Variants in SKAP1 observed in about 807,000 individuals in gnomAD.
SKAP1 encodes src kinase-associated phosphoprotein 1.
SKAP1 carries 44 observed loss-of-function variants against 58.5 expected under a neutral mutation model. That is an observed-to-expected ratio of 0.75 (90% CI 0.59 to 0.97). SKAP1 has a LOEUF of 0.97. Among genes scored for constraint, SKAP1 ranks in the 50% least tolerant of loss-of-function variants. The probability of loss-of-function intolerance (pLI) is 0.00; values close to 1 mark genes in which losing one functional copy is unlikely to be tolerated. For synonymous variants in SKAP1, 127 were observed against 149.7 expected (o/e 0.85, Z 1.11); for missense variants, 390 against 435.2 (o/e 0.90, Z 0.92).
intron 1 of SKAP1, 137 bp downstream of exon 1, chr17:48,429,938 G>A: frequency 1.5e-6 from 1 of 669,628 alleles, no homozygotes; most frequent in Non-Finnish European, 2.2e-6. Flanking sequence ...GCTCTAGGGA[G>A]TTGAGGGCTC....
intron 4 of SKAP1, among the ~76,000 whole-genome samples, chr17:48,264,745 A>AACAC (rs55733017): frequency 0.011 from 1,617 of 142,836 alleles, 29 homozygotes; most frequent in Admixed American, 0.03. Flanking sequence ...AAATCTACAA[A>AACAC]ACACACACAC....
intron 4 of SKAP1, among the ~76,000 whole-genome samples, chr17:48,225,000 G>C (rs2065050777): frequency 1.3e-5 from 2 of 152,056 alleles, no homozygotes; most frequent in Admixed American, 1.3e-4. Flanking sequence ...CAACAGATTT[G>C]GAAAGGACTA....
chr17:48,290,096 T>C (rs765801650), intron 4 of SKAP1, among the ~76,000 whole-genome samples: 1 of 152,168 alleles, frequency 6.6e-6, no homozygotes. Context: ...ACATTCTCTA[T>C]TTTAGATACT....
intron 4 of SKAP1, among the ~76,000 whole-genome samples, chr17:48,336,202 A>G (rs1187260239): frequency 3.9e-5 from 6 of 152,244 alleles, no homozygotes; most frequent in Middle Eastern, 3.4e-3. Context: ...CATATATCCC[A>G]ACATATGCCA....
At chr17:48,304,971 A>C (rs1012139779) in intron 4 of SKAP1, among the ~76,000 whole-genome samples, 6 of 152,128 alleles carry the variant, frequency 3.9e-5, no homozygotes, top group Admixed American at 6.5e-5. Context: ...TCAACTCCTT[A>C]TTCTGTATAT....
chr17:48,218,234 G>A (rs1022845171), intron 4 of SKAP1, among the ~76,000 whole-genome samples: 1 of 152,214 alleles, frequency 6.6e-6, no homozygotes, highest in African/African-American at 2.4e-5. Flanking sequence ...TGCAGGTCAG[G>A]AGGAAGACTA....
At chr17:48,374,038 T>G (rs2067122224) in intron 2 of SKAP1, among the ~76,000 whole-genome samples, 1 of 152,106 alleles carries the variant, frequency 6.6e-6, no homozygotes. Context: ...TGAACTTCTC[T>G]TTTTTGTTGT....
At chr17:48,304,199 T>A (rs1343881874) in intron 4 of SKAP1, among the ~76,000 whole-genome samples, 1 of 152,176 alleles carries the variant, frequency 6.6e-6, no homozygotes, top group East Asian at 1.9e-4. Context: ...TTTTATGTAA[T>A]AATGACACTT....
intron 11 of SKAP1, among the ~76,000 whole-genome samples, chr17:48,138,443 C>T (rs1205788750): frequency 6.6e-6 from 1 of 151,322 alleles, no homozygotes; most frequent in East Asian, 1.9e-4. Flanking sequence ...AATCTCGGCT[C>T]ACTGCAACCT....
chr17:48,305,682 T>G (rs888159769), intron 4 of SKAP1, among the ~76,000 whole-genome samples: 1 of 152,170 alleles, frequency 6.6e-6, no homozygotes, highest in African/African-American at 2.4e-5. Context: ...TAAATGAAAG[T>G]GTTTAGAACA....
In SKAP1 at chr17:48,430,143, G is replaced by A; in HGVS notation, c.-23C>T. 8.0e-7 allele frequency: 1 copy of A among 1,255,902 alleles called. No individual in the cohort carries two copies. The allele number at this position is 1,255,902 out of a possible 1,614,324, so 77.8% of individuals were successfully genotyped here. A position where few individuals can be genotyped will look rare whatever the true frequency, so the allele number is the denominator to read the frequency against. On this transcript the variant is annotated 5_prime_UTR_variant, in exon 1 of 13. Coordinates refer to ENST00000336915, the MANE Select transcript of SKAP1 (RefSeq NM_003726.4). ...CATTTGGCTGGGCGGGAGAGAGGCG[G>A]GACGGGGCGCGGGCCCTGGTCGGGA...
intron 4 of SKAP1, among the ~76,000 whole-genome samples, chr17:48,295,968 T>C (rs2065964817): frequency 6.6e-6 from 1 of 151,990 alleles, no homozygotes; most frequent in African/African-American, 2.4e-5. Flanking sequence ...TATGCAAATC[T>C]GTATATAGAA....
intron 1 of SKAP1, among the ~76,000 whole-genome samples, chr17:48,424,681 T>C (rs1449612011): frequency 3.3e-5 from 5 of 151,080 alleles, no homozygotes; most frequent in Non-Finnish European, 7.4e-5. Context: ...ATGCCTGTAA[T>C]GCCAGCACTT....
intron 11 of SKAP1, among the ~76,000 whole-genome samples, chr17:48,160,182 A>G (rs2064047572): frequency 6.6e-6 from 1 of 152,132 alleles, no homozygotes; most frequent in African/African-American, 2.4e-5. Context: ...GCAAGAGTGC[A>G]GTGGCAATCA....
chr17:48,439,362 A>G, the SKAP1 span, among the ~76,000 whole-genome samples: 3 of 152,220 alleles, frequency 2.0e-5, no homozygotes, highest in Admixed American at 1.3e-4. Flanking sequence ...CAGAATATTC[A>G]TGTTCATTTT....
chr17:48,184,578 A>G, intron 7 of SKAP1, 145 bp downstream of exon 7: 1 of 1,001,674 alleles, frequency 1.0e-6, no homozygotes, highest in Middle Eastern at 2.7e-4. Flanking sequence ...ATATGAGGAC[A>G]TGCCAAGAAA....
intron 3 of SKAP1, among the ~76,000 whole-genome samples, chr17:48,361,071 G>GTACTGTACTATACTA (rs1409618029): frequency 6.9e-6 from 1 of 145,380 alleles, no homozygotes; most frequent in African/African-American, 2.6e-5. Context: ...AACTTGTACT[G>GTACTGTACTATACTA]TACTATACTA....
intron 3 of SKAP1, among the ~76,000 whole-genome samples, chr17:48,357,629 C>CAAAAAAAAAAA (rs201907150): frequency 1.3e-5 from 2 of 148,434 alleles, no homozygotes; most frequent in Admixed American, 1.3e-4. Flanking sequence ...GACTCTGTCT[C>CAAAAAAAAAAA]AGAAAAAAAG....
intron 4 of SKAP1, among the ~76,000 whole-genome samples, chr17:48,230,981 G>A (rs1401616245): frequency 6.6e-6 from 1 of 152,190 alleles, no homozygotes; most frequent in East Asian, 1.9e-4. Context: ...AGTTTAGGAG[G>A]TAGATGTGAT....
Sources: gnomAD v4.1 joint callset for allele counts (sites outside exome capture counted in the v4.1 genomes callset) on GRCh38, gnomAD v4.1.1 for gene constraint, MANE v1.5 for transcripts, NCBI Gene and HGNC (gene_info 2026-07-23, HGNC 2026-07-21) for gene names.